The following POR variants were observed in gnomAD, a reference collection of about 807,000 sequenced individuals.
POR encodes the protein cytochrome p450 oxidoreductase, also known as NADPH--cytochrome P450 reductase.
POR carries 56 observed loss-of-function variants against 84.0 expected under a neutral mutation model. The ratio of observed to expected loss-of-function variants is 0.67; its 90% CI spans 0.54 to 0.83. The LOEUF is 0.83. POR is among the 40% of genes least tolerant of loss of function. The pLI is 0.00. For missense variants in POR, 938 were observed against 944.3 expected (o/e 0.99, Z 0.09); for synonymous variants, 414 against 400.5 (o/e 1.03, Z -0.40).
At chr7:75,945,366 C>T (rs1166753898) in intron 1 of POR, 1 of 152,178 alleles carries the variant, frequency 6.6e-6, no homozygotes, top group Admixed American at 6.5e-5. Context: ...TCTACAGATT[C>T]AAGAAACTGA....
intron 8 of POR, 104 bp downstream of exon 8, chr7:75,982,426 C>T (rs1789112365): frequency 6.2e-6 from 6 of 967,544 alleles, no homozygotes; most frequent in African/African-American, 1.6e-5. Context: ...GCCCTTCTCA[C>T]CAGACCCCGT....
At chr7:75,934,512 G>T (rs1807575937) in intron 1 of POR, among the ~76,000 whole-genome samples, 1 of 152,208 alleles carries the variant, frequency 6.6e-6, no homozygotes, top group Non-Finnish European at 1.5e-5. Flanking sequence ...AGGCTGTGGA[G>T]CAACCGCTTG....
chr7:75,959,047 G>A (rs1787815640), intron 2 of POR, among the ~76,000 whole-genome samples: 1 of 152,176 alleles, frequency 6.6e-6, no homozygotes, highest in South Asian at 2.1e-4. Context: ...TCAGATTTTA[G>A]ATTAGGGACA....
intron 1 of POR, among the ~76,000 whole-genome samples, chr7:75,938,754 G>A (rs1563406331): frequency 1.3e-5 from 2 of 152,122 alleles, no homozygotes; most frequent in Non-Finnish European, 2.9e-5. Context: ...AGCCTGTTCC[G>A]TGAATGAATG....
intron 1 of POR, chr7:75,923,322 TCC>T (rs1180292734): frequency 9.1e-7 from 1 of 1,100,484 alleles, no homozygotes; most frequent in Non-Finnish European, 1.4e-6. Flanking sequence ...ATGGTTCTTG[TCC>T]CCTTTCCACC....
Position 75,933,376 on chromosome 7 carries a change from GTTTTTTTTTT to G in POR, c.-5+18218_-5+18227del, listed in dbSNP as rs200575911. 8.7e-5 allele frequency among the ~76,000 whole-genome samples: 8 copies of G among 92,112 alleles called. No individual in the cohort carries two copies. The South Asian group carries it at 1.3e-3, about 15-fold the overall frequency. 60.4% of individuals were successfully genotyped at this position (92,112 alleles called of 152,430 possible). A position where few individuals can be genotyped will look rare whatever the true frequency, so the allele number is the denominator to read the frequency against. On this transcript the variant is annotated intron_variant, in intron 1 of 15. Coordinates refer to ENST00000461988, the MANE Select transcript of POR (RefSeq NM_000941.3). ...TCACCATGTTATACAATAGGTCTTT[GTTTTTTTTTT>G]TTTTTTTTTTTTTTTTTTTTGAGCG...
chr7:75,949,045 G>A (rs1290719931), intron 1 of POR, among the ~76,000 whole-genome samples: 5 of 152,220 alleles, frequency 3.3e-5, no homozygotes, highest in African/African-American at 9.6e-5. Context: ...AAGGTGTGAG[G>A]AAGGGGAGCG....
Position 75,983,780 on chromosome 7 carries a change from C to T in POR, c.990C>T (p.Asp330=). ...ACGTGGCTGTGTACCCAGCCAACGA[C>T]TCTGCTCTCGTCAACCAGCTGGGCA... The change falls in exon 10 of 16, where the codon GAC becomes GAT. Residue 330 remains aspartate, a synonymous_variant. Transcript: ENST00000461988. The T allele has an allele frequency of 6.2e-7, 1 of 1,612,518 alleles. No homozygotes were observed. Among genetic ancestry groups the T allele is most frequent in the Non-Finnish European group, 8.5e-7 (1 of 1,179,754 alleles).
At chr7:75,974,043 A>G (rs1788562268) in intron 3 of POR, among the ~76,000 whole-genome samples, 1 of 152,174 alleles carries the variant, frequency 6.6e-6, no homozygotes, top group African/African-American at 2.4e-5. Flanking sequence ...TTCCATATCA[A>G]TACAAAGATA....
intron 1 of POR, among the ~76,000 whole-genome samples, chr7:75,952,785 C>T (rs1787503561): frequency 1.3e-5 from 2 of 151,732 alleles, no homozygotes; most frequent in African/African-American, 4.9e-5. Flanking sequence ...AGAGGCGCTC[C>T]TCACTTCCTA....
intron 4 of POR, 98 bp downstream of exon 4, chr7:75,979,677 G>A (rs41299475): frequency 5.3e-6 from 8 of 1,517,306 alleles, no homozygotes; most frequent in Non-Finnish European, 7.1e-6. Context: ...CCGGCAGGGA[G>A]TGGGGTCCTG....
rs376794584 is a variant in POR, at chr7:75,979,460, A to G, written c.247A>G (p.Ile83Val). 27 of 1,613,038 alleles carry G rather than the reference A, an allele frequency of 1.7e-5. No individual in the cohort carries two copies. The highest frequency in any genetic ancestry group is 1.9e-5 in the Non-Finnish European group (22 of 1,179,692). Residue 83 changes from isoleucine to valine, a missense_variant, in exon 4 of 16, where the codon ATC becomes GTC. Coordinates refer to ENST00000461988, the MANE Select transcript of POR (RefSeq NM_000941.3). Reference sequence around the variant, plus strand: ...TGTCTGCCTTCCTTAGGGGAGGAACATCATCGTGTTCTACGGCTCCCAGAC... The same window carrying G: ...TGTCTGCCTTCCTTAGGGGAGGAACGTCATCGTGTTCTACGGCTCCCAGAC...
At chr7:75,939,100 C>T (rs1554551190) in intron 1 of POR, among the ~76,000 whole-genome samples, 1 of 152,222 alleles carries the variant, frequency 6.6e-6, no homozygotes, top group East Asian at 1.9e-4. Flanking sequence ...CAGGAGGACA[C>T]CTTGGGGCAA....
At chr7:75,961,275 A>C (rs1217119680) in intron 2 of POR, among the ~76,000 whole-genome samples, 3 of 1,382 alleles carry the variant, frequency 2.2e-3, no homozygotes, top group Non-Finnish European at 0.012. Flanking sequence ...CAGCTTCTTT[A>C]AAAAAAAAAA....
chr7:75,934,119 C>CAG (rs1189462514), intron 1 of POR, among the ~76,000 whole-genome samples: 8 of 115,138 alleles, frequency 6.9e-5, no homozygotes, highest in Admixed American at 2.0e-4. Context: ...TCCAAGACCT[C>CAG]AGAGTGTGTG....
At chr7:75,953,455 A>C (rs1554553220) in intron 1 of POR, among the ~76,000 whole-genome samples, 1 of 152,114 alleles carries the variant, frequency 6.6e-6, no homozygotes, top group Non-Finnish European at 1.5e-5. Flanking sequence ...GGTTTTAGGA[A>C]TACAGAGACA....
At position 75,979,540 on chromosome 7, in the gene POR, G is replaced by C; in HGVS notation, c.327G>C (p.Gly109=). 1 of 1,613,672 alleles carries C rather than the reference G, an allele frequency of 6.2e-7. No homozygotes were observed. The highest frequency in any genetic ancestry group is 8.5e-7 in the Non-Finnish European group (1 of 1,179,870). The change falls in exon 4 of 16, where the codon GGG becomes GGC. Residue 109 remains glycine (G), a synonymous_variant. Transcript: ENST00000461988. Reference sequence around the variant, plus strand: ...TGTCCAAGGACGCCCACCGCTACGGGATGCGAGGCATGTCAGCGGACCCTG... The same window carrying C: ...TGTCCAAGGACGCCCACCGCTACGGCATGCGAGGCATGTCAGCGGACCCTG...
At chr7:75,976,546 G>T (rs781865873) in intron 3 of POR, among the ~76,000 whole-genome samples, 13 of 151,658 alleles carry the variant, frequency 8.6e-5, no homozygotes, top group African/African-American at 3.2e-4. Context: ...GGAGCTTTGA[G>T]ACCAGCTGGA....
intron 1 of POR, among the ~76,000 whole-genome samples, chr7:75,935,622 TGTG>T (rs1807637077): frequency 7.2e-5 from 1 of 13,860 alleles, no homozygotes; most frequent in Non-Finnish European, 1.2e-4. Flanking sequence ...TCGGGGCTTG[TGTG>T]TGTGTGTGTG....
Sources: allele counts gnomAD v4.1 joint callset (sites outside exome capture counted in the v4.1 genomes callset), GRCh38; gene constraint gnomAD v4.1.1; transcripts MANE v1.5; gene names NCBI Gene and HGNC (gene_info 2026-07-23, HGNC 2026-07-21).